Variants in STARD10 observed in about 807,000 individuals in gnomAD.
STARD10 encodes the protein START domain-containing protein 10.
In STARD10, 24 loss-of-function variants were observed where a neutral mutation model predicts 36.0. The ratio of observed to expected loss-of-function variants is 0.67; its 90% CI spans 0.48 to 0.94. STARD10 has a LOEUF of 0.94. Ranked by LOEUF, STARD10 falls within the 40% of genes least tolerant of loss-of-function variation. The pLI is 0.00. For synonymous variants in STARD10, 156 were observed against 161.9 expected (o/e 0.96, Z 0.28); for missense variants, 335 against 396.6 (o/e 0.84, Z 1.32).
intron 1 of STARD10, chr11:72,783,660 C>T (rs1228022696): frequency 1.3e-5 from 2 of 152,666 alleles, no homozygotes; most frequent in Non-Finnish European, 2.9e-5. Flanking sequence ...GGATCTGCCA[C>T]GAGGAAAAGA....
intron 1 of STARD10, chr11:72,782,213 A>G (rs1565244376): frequency 1.3e-5 from 2 of 152,502 alleles, no homozygotes; most frequent in Non-Finnish European, 2.9e-5. Context: ...CCCATGCAAT[A>G]CCCCAGAGAT....
At chr11:72,773,260 A>T (rs918917351) in intron 2 of STARD10, among the ~76,000 whole-genome samples, 1 of 152,112 alleles carries the variant, frequency 6.6e-6, no homozygotes, top group African/African-American at 2.4e-5. Flanking sequence ...AGACCTTGAG[A>T]CCCAGAGACA....
chr11:72,783,279 C>G, intron 1 of STARD10, among the ~76,000 whole-genome samples: 1 of 152,156 alleles, frequency 6.6e-6, no homozygotes, highest in East Asian at 1.9e-4. Context: ...GAATCCTGGA[C>G]AATGTGCTGC....
chr11:72,790,869 G>A (rs191468290), intron 1 of STARD10, among the ~76,000 whole-genome samples: 28 of 152,316 alleles, frequency 1.8e-4, no homozygotes, highest in African/African-American at 6.3e-4. Context: ...AGAAATGCAG[G>A]CACCCAGGGC....
intron 1 of STARD10, among the ~76,000 whole-genome samples, chr11:72,788,785 A>C (rs188129071): frequency 2.5e-4 from 38 of 151,616 alleles, no homozygotes; most frequent in Admixed American, 2.4e-3. Context: ...CTGGTCTCAA[A>C]CTCCTGACCT....
chr11:72,762,577 G>T (rs549061812), intron 2 of STARD10, among the ~76,000 whole-genome samples: 1 of 152,094 alleles, frequency 6.6e-6, no homozygotes, highest in Admixed American at 6.5e-5. Flanking sequence ...CCTGTACTGA[G>T]CCCAGAAGAG....
Position 72,779,827 on chromosome 11 carries a change from G to A in STARD10, c.207+1148C>T, listed in dbSNP as rs980517785. 4.6e-5 allele frequency among the ~76,000 whole-genome samples: 7 copies of A among 152,168 alleles called. No homozygotes were observed. The East Asian group carries it at 1.2e-3, about 25-fold the overall frequency. On this transcript the variant is annotated intron_variant, in intron 2 of 6. Coordinates refer to ENST00000334805, the MANE Select transcript of STARD10 (RefSeq NM_006645.3). ...GGCAGAAAGTGAAAAGCAGATAATC[G>A]TGTGGGGATGGACAGAACTATATGT...
At chr11:72,789,967 T>C (rs1229721927) in intron 1 of STARD10, among the ~76,000 whole-genome samples, 2 of 152,126 alleles carry the variant, frequency 1.3e-5, no homozygotes, top group East Asian at 3.9e-4. Flanking sequence ...CCTGCTTTGC[T>C]CCCCTCCTCC....
At chr11:72,756,026 C>T (rs1858639561) in intron 5 of STARD10, 3 of 321,826 alleles carry the variant, frequency 9.3e-6, no homozygotes, top group African/African-American at 6.5e-5. Flanking sequence ...ACAGGCTATA[C>T]ATGGGTGGAA....
intron 1 of STARD10, among the ~76,000 whole-genome samples, chr11:72,789,462 C>T (rs1859114571): frequency 6.6e-6 from 1 of 152,092 alleles, no homozygotes; most frequent in South Asian, 2.1e-4. Flanking sequence ...ATCTTGTCCC[C>T]CTCCCTCACC....
chr11:72,780,053 C>T (rs1290866354), intron 2 of STARD10: 2 of 330,590 alleles, frequency 6.0e-6, no homozygotes, highest in African/African-American at 4.3e-5. Context: ...GCGAAGGGCA[C>T]AGCCTATTGC....
At chr11:72,761,338 T>C (rs1858713910) in intron 2 of STARD10, among the ~76,000 whole-genome samples, 1 of 152,190 alleles carries the variant, frequency 6.6e-6, no homozygotes, top group Admixed American at 6.5e-5. Flanking sequence ...CATTGCAAAC[T>C]GATTTGGACA....
At chr11:72,774,430 T>C (rs1475779977) in intron 2 of STARD10, among the ~76,000 whole-genome samples, 5 of 152,214 alleles carry the variant, frequency 3.3e-5, no homozygotes, top group Non-Finnish European at 7.3e-5. Flanking sequence ...CCAGGCTCTC[T>C]TTAAAGACAG....
intron 2 of STARD10, chr11:72,780,026 A>G (rs982156279): frequency 2.0e-5 from 6 of 302,546 alleles, no homozygotes; most frequent in African/African-American, 1.3e-4. Flanking sequence ...AGAAGGGAGA[A>G]GGCAAGGAAG....
chr11:72,765,792 G>A (rs1224597437), intron 2 of STARD10, among the ~76,000 whole-genome samples: 11 of 136,542 alleles, frequency 8.1e-5, no homozygotes, highest in Non-Finnish European at 1.7e-4. Context: ...CCAACATGGT[G>A]AAAACCTGTC....
intron 2 of STARD10, among the ~76,000 whole-genome samples, chr11:72,761,464 G>A (rs2080600665): frequency 6.6e-6 from 1 of 152,102 alleles, no homozygotes; most frequent in Non-Finnish European, 1.5e-5. Flanking sequence ...CTAAAAAAAG[G>A]TTACAAAATA....
chr11:72,783,043 C>T (rs559085673), intron 1 of STARD10, among the ~76,000 whole-genome samples: 2 of 152,248 alleles, frequency 1.3e-5, no homozygotes, highest in South Asian at 2.1e-4. Flanking sequence ...TAAGGTGCCT[C>T]CTAGCCTCAC....
At chr11:72,778,190 G>A (rs577880583) in intron 2 of STARD10, among the ~76,000 whole-genome samples, 1 of 152,190 alleles carries the variant, frequency 6.6e-6, no homozygotes, top group Admixed American at 6.5e-5. Context: ...ACTAAGATGC[G>A]AGCCCATGTG....
intron 2 of STARD10, among the ~76,000 whole-genome samples, chr11:72,775,878 C>G (rs1858924081): frequency 6.6e-6 from 1 of 152,180 alleles, no homozygotes; most frequent in African/African-American, 2.4e-5. Context: ...CAGGGCCACA[C>G]AGCGAGGACT....
Sources: allele counts gnomAD v4.1 joint callset (sites outside exome capture counted in the v4.1 genomes callset), GRCh38; gene constraint gnomAD v4.1.1; transcripts MANE v1.5; gene names NCBI Gene and HGNC (gene_info 2026-07-23, HGNC 2026-07-21).